The following NMNAT2 variants were observed in gnomAD, a reference collection of about 807,000 sequenced individuals.
NMNAT2 encodes the protein nicotinamide nucleotide adenylyltransferase 2, also known as nicotinamide/nicotinic acid mononucleotide adenylyltransferase 2.
Under a neutral mutation model 41.6 loss-of-function variants are expected in NMNAT2, and 11 were observed. The ratio of observed to expected loss-of-function variants is 0.26; its 90% CI spans 0.17 to 0.44. The LOEUF (loss-of-function observed/expected upper bound fraction) is 0.44, where lower values mean the gene tolerates loss of function less well. NMNAT2 is among the 20% of genes least tolerant of loss of function. The pLI is 1.00. For synonymous variants in NMNAT2, 148 were observed against 151.2 expected, an observed-to-expected ratio of 0.98 and a Z score of 0.16; for missense variants, 288 against 407.7, an observed-to-expected ratio of 0.71 and a Z score of 2.53.
chr1:183,274,907 T>C (rs77130596), intron 8 of NMNAT2, among the ~76,000 whole-genome samples: 3 of 151,982 alleles, frequency 2.0e-5, no homozygotes, highest in African/African-American at 7.3e-5. Flanking sequence ...AATAGGAAGA[T>C]GCTAGAGGTC....
rs2102269951 is a variant in NMNAT2 at position 183,252,351 on chromosome 1, A to G, written c.*290T>C. ...ATGGGCACCAGAGCCGCCTCTCTAGAGCATGCTGGGAGACGGACACCAGTA... is the reference window on the plus strand; with the variant it reads ...ATGGGCACCAGAGCCGCCTCTCTAGGGCATGCTGGGAGACGGACACCAGTA... On this transcript the variant is annotated 3_prime_UTR_variant, in exon 11 of 11. Coordinates refer to ENST00000287713, the MANE Select transcript of NMNAT2 (RefSeq NM_015039.4). The G allele has an allele frequency of 1.5e-5, 6 of 397,994 alleles. No homozygotes were observed. The South Asian group carries it at 1.5e-4, about 10-fold the overall frequency. 24.7% of individuals were successfully genotyped at this position (397,994 alleles called of 1,614,324 possible). A position where few individuals can be genotyped will look rare whatever the true frequency, so the allele number is the denominator to read the frequency against.
intron 1 of NMNAT2, among the ~76,000 whole-genome samples, chr1:183,357,913 G>A (rs1427317615): frequency 6.6e-6 from 1 of 151,944 alleles, no homozygotes; most frequent in Non-Finnish European, 1.5e-5. Context: ...ATTCCCAAAG[G>A]AATATATAAA....
At chr1:183,346,153 A>G (rs1226747354) in intron 1 of NMNAT2, among the ~76,000 whole-genome samples, 1 of 151,640 alleles carries the variant, frequency 6.6e-6, no homozygotes, top group African/African-American at 2.4e-5. Context: ...TTTCAGCTGG[A>G]CTGTTTATTA....
chr1:183,271,139 C>G (rs1174255876), intron 8 of NMNAT2, among the ~76,000 whole-genome samples: 2 of 152,160 alleles, frequency 1.3e-5, no homozygotes, highest in Non-Finnish European at 2.9e-5. Context: ...GTTCCATCCC[C>G]AAGTTTTTAC....
intron 7 of NMNAT2, among the ~76,000 whole-genome samples, chr1:183,279,290 T>C (rs192187693): frequency 1.3e-5 from 2 of 152,340 alleles, no homozygotes; most frequent in East Asian, 3.9e-4. Context: ...ATTATCCCAG[T>C]GAGGCCCATT....
intron 8 of NMNAT2, among the ~76,000 whole-genome samples, chr1:183,274,814 C>T (rs1018431546): frequency 1.3e-5 from 2 of 150,936 alleles, no homozygotes; most frequent in African/African-American, 4.9e-5. Context: ...TGTCCTGAAG[C>T]GGGGAGAGAA....
At chr1:183,307,544 G>A (rs1662021441) in intron 1 of NMNAT2, among the ~76,000 whole-genome samples, 1 of 152,058 alleles carries the variant, frequency 6.6e-6, no homozygotes, top group African/African-American at 2.4e-5. Flanking sequence ...CTGGGTTCAA[G>A]TGATTCTCCT....
intron 1 of NMNAT2, among the ~76,000 whole-genome samples, chr1:183,320,674 G>A (rs1188547869): frequency 6.6e-6 from 1 of 152,196 alleles, no homozygotes; most frequent in African/African-American, 2.4e-5. Context: ...ACATCATGAT[G>A]TTAGGACTGG....
intron 8 of NMNAT2, among the ~76,000 whole-genome samples, chr1:183,261,628 CA>C (rs1660659229): frequency 6.6e-6 from 1 of 152,216 alleles, no homozygotes; most frequent in Non-Finnish European, 1.5e-5. Flanking sequence ...GCTGCAGAAT[CA>C]CATGAATGAC....
chr1:183,330,515 G>C (rs905615043), intron 1 of NMNAT2, among the ~76,000 whole-genome samples: 3 of 152,112 alleles, frequency 2.0e-5, no homozygotes, highest in African/African-American at 7.2e-5. Flanking sequence ...CCCTCCCCAG[G>C]GAGCCTCCCT....
intron 1 of NMNAT2, among the ~76,000 whole-genome samples, chr1:183,379,279 A>G (rs567182954): frequency 6.6e-6 from 1 of 152,096 alleles, no homozygotes; most frequent in Admixed American, 6.6e-5. Flanking sequence ...CTCCTGGGCT[A>G]AAGCAATCCT....
chr1:183,413,584 A>G (rs1475876598), intron 1 of NMNAT2, among the ~76,000 whole-genome samples: 1 of 148,568 alleles, frequency 6.7e-6, no homozygotes, highest in Non-Finnish European at 1.5e-5. Context: ...CTAAAGAAAT[A>G]TTAATTTTCT....
intron 1 of NMNAT2, among the ~76,000 whole-genome samples, chr1:183,296,306 G>A (rs953770995): frequency 4.6e-5 from 7 of 151,886 alleles, no homozygotes; most frequent in African/African-American, 7.3e-5. Flanking sequence ...TTGTGAAGAC[G>A]TAAATTAGGG....
intron 8 of NMNAT2, among the ~76,000 whole-genome samples, chr1:183,265,701 C>T (rs1660795427): frequency 6.6e-6 from 1 of 152,196 alleles, no homozygotes; most frequent in Non-Finnish European, 1.5e-5. Flanking sequence ...AGAATATGCT[C>T]ATTTCTCATC....
chr1:183,252,249 G>T lies in NMNAT2; in HGVS notation c.*392C>A, dbSNP rs201379527. 1 of 181,054 alleles carries T rather than the reference G, an allele frequency of 5.5e-6. No homozygotes were observed. Among genetic ancestry groups the T allele is most frequent in the South Asian group, 1.5e-4 (1 of 6,848 alleles). The allele number at this position is 181,054 out of a possible 1,614,324, so 11.2% of individuals were successfully genotyped here. On this transcript the variant is annotated 3_prime_UTR_variant, in exon 11 of 11. Coordinates refer to ENST00000287713, the MANE Select transcript of NMNAT2 (RefSeq NM_015039.4). ...GCCTCCCCAGAGCATGCTGGGAGGA[G>T]GGGCACCAGAGCCGCCTCTCTAGAG... is the stretch of plus-strand genomic sequence containing the variant.
intron 1 of NMNAT2, among the ~76,000 whole-genome samples, chr1:183,363,261 C>G (rs751212461): frequency 1.3e-5 from 2 of 152,088 alleles, no homozygotes; most frequent in African/African-American, 4.8e-5. Context: ...GTTATGTGAC[C>G]TCAAGAAAGA....
chr1:183,323,094 G>C (rs535689794), intron 1 of NMNAT2, among the ~76,000 whole-genome samples: 1 of 152,218 alleles, frequency 6.6e-6, no homozygotes, highest in Non-Finnish European at 1.5e-5. Flanking sequence ...ACCATGCCAG[G>C]CTTATTTTTG....
At position 183,293,716 on chromosome 1, in the gene NMNAT2, A is replaced by G; in HGVS notation, c.163T>C (p.Tyr55His). 6.2e-7 allele frequency: 1 copy of G among 1,613,368 alleles called. No individual in the cohort carries two copies. The highest frequency in any genetic ancestry group is 8.5e-7 in the Non-Finnish European group (1 of 1,179,256). ...AGGAAGGAACCCACCTGTTTTCCAT[A>G]GGAGTCGTGGACAGGGGAGACAATC... is the stretch of plus-strand genomic sequence containing the variant. ...GGIVSPVHDS[Y>H]GKQGLVSSRH... The change falls in exon 2 of 11, where the codon TAT becomes CAT. Residue 55 changes from tyrosine to histidine, a missense_variant. Tyr to His is a moderately conservative substitution (Grantham distance 83). Coordinates refer to ENST00000287713, the MANE Select transcript of NMNAT2 (RefSeq NM_015039.4).
At position 183,389,796 on chromosome 1, in the gene NMNAT2, GAAA is replaced by G. The variant is rs1557897588; in HGVS notation, c.85+28384_85+28386del. On this transcript the variant is annotated intron_variant, in intron 1 of 10. Transcript: ENST00000287713. ...AGAAAGAAAGAAAGAAAGAAAGAAA[GAAA>G]GAAAGAAAGAAAGAAAGAAAGAAAG... Among the ~76,000 whole-genome samples the G allele has an allele frequency of 4.2e-4, 27 of 64,600 alleles. 2 individuals carry two copies. Among genetic ancestry groups the G allele is most frequent in the East Asian group, 7.8e-4 (1 of 1,274 alleles). 42.4% of individuals were successfully genotyped at this position (64,600 alleles called of 152,430 possible).
Sources: gnomAD v4.1 joint callset for allele counts (sites outside exome capture counted in the v4.1 genomes callset) on GRCh38, gnomAD v4.1.1 for gene constraint, MANE v1.5 for transcripts, NCBI Gene and HGNC (gene_info 2026-07-23, HGNC 2026-07-21) for gene names.